Variants in TRAK1 observed in about 807,000 individuals in gnomAD.
TRAK1 encodes the protein trafficking kinesin-binding protein 1.
In TRAK1, 33 loss-of-function variants were observed where a neutral mutation model predicts 92.1. That is an observed-to-expected ratio of 0.36 (90% CI 0.27 to 0.48). The LOEUF is 0.48. Among genes scored for constraint, TRAK1 ranks in the 20% least tolerant of loss-of-function variants. The pLI is 0.99. For missense variants in TRAK1, 1,123 were observed against 1,257.9 expected, an observed-to-expected ratio of 0.89 and a Z score of 1.62; for synonymous variants, 521 against 517.3, an observed-to-expected ratio of 1.01 and a Z score of -0.10.
At chr3:42,164,586 C>T (rs1336032757) in intron 2 of TRAK1, among the ~76,000 whole-genome samples, 1 of 152,174 alleles carries the variant, frequency 6.6e-6, no homozygotes, top group East Asian at 1.9e-4. Context: ...GTTCTAGGCC[C>T]TTCCCTTGTA....
chr3:42,195,084 A>G, intron 10 of TRAK1, 143 bp downstream of exon 10: 1 of 1,010,262 alleles, frequency 9.9e-7, no homozygotes. Context: ...AATCAAGGAC[A>G]CTTGAATCTG....
intron 1 of TRAK1, among the ~76,000 whole-genome samples, chr3:42,111,586 G>A (rs1311670524): frequency 6.6e-6 from 1 of 152,016 alleles, no homozygotes; most frequent in Admixed American, 6.6e-5. Flanking sequence ...TAGTGGAGAC[G>A]GGGTTTCACT....
At chr3:42,015,528 C>A (rs1320777685) in intron 1 of TRAK1, among the ~76,000 whole-genome samples, 1 of 152,098 alleles carries the variant, frequency 6.6e-6, no homozygotes, top group East Asian at 1.9e-4. Flanking sequence ...CTTACTTAAC[C>A]TCTCTGTCCT....
At chr3:42,014,524 A>G (rs375963211) in intron 1 of TRAK1, among the ~76,000 whole-genome samples, 1 of 152,210 alleles carries the variant, frequency 6.6e-6, no homozygotes, top group African/African-American at 2.4e-5. Flanking sequence ...AGAGTTAACA[A>G]GTTTACTTTG....
At chr3:42,167,314 G>A (rs1280220885) in intron 2 of TRAK1, among the ~76,000 whole-genome samples, 4 of 152,212 alleles carry the variant, frequency 2.6e-5, no homozygotes, top group Non-Finnish European at 5.9e-5. Context: ...GGCCCAAAAT[G>A]AGAAAGACTC....
chr3:42,039,121 ATCTGTTTTCTGTCCCTGGATATGCCTAT>A (rs1275335147), intron 1 of TRAK1, among the ~76,000 whole-genome samples: 1 of 151,962 alleles, frequency 6.6e-6, no homozygotes, highest in African/African-American at 2.4e-5. Flanking sequence ...GCAATCTCTA[ATCTGTTTTCTGTCCCTGGATATGCCTAT>A]TTTGGACATT....
At chr3:42,023,198 C>T (rs998623479) in intron 1 of TRAK1, among the ~76,000 whole-genome samples, 1 of 150,340 alleles carries the variant, frequency 6.7e-6, no homozygotes, top group Admixed American at 6.7e-5. Flanking sequence ...ATAAATATTC[C>T]TGGGAGTTTG....
chr3:42,191,768 G>A (rs1705774695), intron 7 of TRAK1, 132 bp downstream of exon 7: 3 of 902,082 alleles, frequency 3.3e-6, no homozygotes, highest in African/African-American at 1.7e-5. Flanking sequence ...AAAACTAGAG[G>A]CCTCCCCAAC....
chr3:42,086,794 C>T (rs547261339), upstream of TRAK1, among the ~76,000 whole-genome samples: 1 of 152,090 alleles, frequency 6.6e-6, no homozygotes, highest in Non-Finnish European at 1.5e-5. Context: ...GTGTATAAAT[C>T]CTGTAGGAAT....
At chr3:42,213,807 A>G (rs1328097248) in intron 14 of TRAK1, among the ~76,000 whole-genome samples, 2 of 152,136 alleles carry the variant, frequency 1.3e-5, no homozygotes, top group African/African-American at 4.8e-5. Flanking sequence ...CATTGTCTAC[A>G]CTGAGAGAGT....
chr3:42,174,720 T>A (rs1167993022), intron 2 of TRAK1, among the ~76,000 whole-genome samples: 9 of 148,404 alleles, frequency 6.1e-5, no homozygotes, highest in Non-Finnish European at 8.9e-5. Context: ...ATATAAAATT[T>A]TATATATATA....
rs371335296 is a variant in TRAK1 at position 42,114,300 on chromosome 3, C to A, written c.92-11120C>A. ...GTATAAATATCTGTTTGAGTTCCCA[C>A]TTTCACTTCTTTTGAAATATAAGCA... On this transcript the variant is annotated intron_variant, in intron 1 of 15. Transcript: ENST00000327628. Among the ~76,000 whole-genome samples the A allele has an allele frequency of 2.3e-4, 35 of 152,340 alleles. No homozygotes were observed. In the South Asian group the frequency reaches 6.6e-3, roughly 29 times the overall value.
At chr3:42,144,366 C>T (rs1699074104) in intron 2 of TRAK1, among the ~76,000 whole-genome samples, 1 of 152,032 alleles carries the variant, frequency 6.6e-6, no homozygotes, top group African/African-American at 2.4e-5. Context: ...CTCTGCCATA[C>T]ACTAATTGAT....
At position 42,196,601 on chromosome 3, in the gene TRAK1, G is replaced by A. The variant is rs1456406234; in HGVS notation, c.1113+1660G>A. ...CATCCAGGCTGGAGTGCAGTGGTGC[G>A]ATCTTGGCTCACTGCAACCTCCCTC... On this transcript the variant is annotated intron_variant, in intron 10 of 15. Coordinates refer to ENST00000327628, the MANE Select transcript of TRAK1 (RefSeq NM_001042646.3). Among the ~76,000 whole-genome samples the A allele has an allele frequency of 1.1e-4, 17 of 148,252 alleles. No individual in the cohort carries two copies. In the Admixed American group the frequency reaches 1.2e-3, roughly 10 times the overall value.
At chr3:42,190,770 C>CTCCTCCCTCCCTCCCTCTCTCCCT (rs1559902347) in intron 6 of TRAK1, among the ~76,000 whole-genome samples, 141 of 150,454 alleles carry the variant, frequency 9.4e-4, no homozygotes, top group Admixed American at 1.7e-3. Flanking sequence ...CCCTCTTTCT[C>CTCCTCCCTCCCTCCCTCTCTCCCT]TCCTCCCTCC....
chr3:42,050,036 A>G (rs1324562403), intron 1 of TRAK1, among the ~76,000 whole-genome samples: 1 of 152,156 alleles, frequency 6.6e-6, no homozygotes, highest in African/African-American at 2.4e-5. Flanking sequence ...GTTATGAACA[A>G]TAAGACACTT....
chr3:42,212,103 G>T, intron 14 of TRAK1: 1 of 985,406 alleles, frequency 1.0e-6, no homozygotes, highest in South Asian at 4.7e-5. Flanking sequence ...TTCTTAGAAT[G>T]TAAAAAGCAT....
At chr3:42,100,584 T>C (rs1489875169) in intron 1 of TRAK1, among the ~76,000 whole-genome samples, 2 of 152,172 alleles carry the variant, frequency 1.3e-5, no homozygotes, top group Non-Finnish European at 2.9e-5. Flanking sequence ...TGTAGACTCA[T>C]GTAAGGAGAT....
At chr3:42,094,117 G>C (rs191020360) in intron 1 of TRAK1, among the ~76,000 whole-genome samples, 6 of 152,282 alleles carry the variant, frequency 3.9e-5, no homozygotes, top group Admixed American at 1.3e-4. Flanking sequence ...TTTTGGCAGA[G>C]TGGCCAGGTA....
Sources: gnomAD v4.1 joint callset for allele counts (sites outside exome capture counted in the v4.1 genomes callset) on GRCh38, gnomAD v4.1.1 for gene constraint, MANE v1.5 for transcripts, NCBI Gene and HGNC (gene_info 2026-07-23, HGNC 2026-07-21) for gene names.